Variants in NID1 observed in about 807,000 individuals in gnomAD.
NID1 encodes nidogen 1, also known as nidogen-1.
Under a neutral mutation model 130.6 loss-of-function variants are expected in NID1, and 76 were observed. The observed-to-expected ratio is 0.58, with a 90% CI of 0.48 to 0.70. The LOEUF is 0.70. NID1 is among the 30% of genes least tolerant of loss of function. The pLI, the probability that NID1 is intolerant of heterozygous loss-of-function variation, is 0.00. For synonymous variants in NID1, 665 were observed against 675.1 expected (o/e 0.98, Z 0.23); for missense variants, 1,517 against 1,664.8 (o/e 0.91, Z 1.54).
At chr1:236,007,362 C>T (rs918846235) in intron 12 of NID1, among the ~76,000 whole-genome samples, 2 of 152,190 alleles carry the variant, frequency 1.3e-5, no homozygotes, top group Non-Finnish European at 2.9e-5. Context: ...TACATTCCCT[C>T]AGATGTTGTC....
chr1:236,008,757 C>G (rs921558712), intron 12 of NID1, among the ~76,000 whole-genome samples: 3 of 152,122 alleles, frequency 2.0e-5, no homozygotes, highest in East Asian at 1.9e-4. Flanking sequence ...ACCTCTGCCC[C>G]CCAGGTTCAA....
intron 1 of NID1, among the ~76,000 whole-genome samples, chr1:236,060,098 C>CA (rs773686621): frequency 0.02 from 987 of 49,914 alleles, 14 homozygotes; most frequent in African/African-American, 0.036. Context: ...GACTCAGTCT[C>CA]AAAAAAAAAA....
Position 235,990,935 on chromosome 1 carries a change from T to A in NID1, c.2879A>T (p.Glu960Val). 6 of 1,614,100 alleles carry A rather than the reference T, an allele frequency of 3.7e-6. No individual in the cohort carries two copies. The highest frequency in any genetic ancestry group is 5.1e-6 in the Non-Finnish European group (6 of 1,180,014). ...TTCTGTCTTCCTCATGGTATTTCCC[T>A]CCAGGGGCAGGCGCTCAATCTTCCC... ...QTGKIERLPL[E>V]GNTMRKTEAK... is the part of the protein sequence containing the mutation. The change falls in exon 14 of 20, where the codon GAG becomes GTG. Residue 960 changes from glutamate (E) to valine (V), a missense_variant. Around this residue, in one of 3 missense-constraint regions of NID1, gnomAD observed 1,329 missense variants for 1,429.2 expected, o/e 0.93. Transcript: ENST00000264187.
intron 5 of NID1, among the ~76,000 whole-genome samples, chr1:236,036,608 T>C (rs1659270352): frequency 6.6e-6 from 1 of 152,254 alleles, no homozygotes; most frequent in Non-Finnish European, 1.5e-5. Context: ...TATTGAAACT[T>C]AATCCCCAAT....
intron 17 of NID1, 31 bp downstream of exon 17, chr1:235,980,465 C>T (rs1252569532): frequency 6.2e-7 from 1 of 1,605,126 alleles, no homozygotes; most frequent in Admixed American, 1.7e-5. Context: ...AGATTGAGAC[C>T]CGCCCTGGAC....
chr1:235,985,614 G>C (rs1452610226), intron 14 of NID1, 109 bp from the exon 15 acceptor site: 1 of 1,309,556 alleles, frequency 7.6e-7, no homozygotes, highest in African/African-American at 1.5e-5. Flanking sequence ...GAAGTGTCAA[G>C]TGTTTTGTTC....
intron 8 of NID1, among the ~76,000 whole-genome samples, chr1:236,025,672 CACTTT>C (rs1190181961): frequency 1.3e-5 from 2 of 152,200 alleles, no homozygotes; most frequent in African/African-American, 2.4e-5. Flanking sequence ...TAGCATTCTG[CACTTT>C]ACTTTAGATA....
intron 9 of NID1, among the ~76,000 whole-genome samples, chr1:236,022,744 A>T (rs537082363): frequency 7.9e-5 from 12 of 151,770 alleles, no homozygotes; most frequent in African/African-American, 2.4e-4. Flanking sequence ...CCTGTGGAAA[A>T]CATTGTGGTG....
chr1:236,021,254 CTT>C (rs1161158787), intron 9 of NID1, among the ~76,000 whole-genome samples: 2 of 152,204 alleles, frequency 1.3e-5, no homozygotes, highest in African/African-American at 4.8e-5. Context: ...CTGTCAGGCT[CTT>C]TGCAGGAAAT....
rs1342105661 is a variant in NID1, at chr1:236,042,258, A to T, written c.787T>A (p.Phe263Ile). The T allele has an allele frequency of 6.2e-7, 1 of 1,606,636 alleles. No homozygotes were observed. Among genetic ancestry groups the T allele is most frequent in the South Asian group, 1.1e-5 (1 of 91,054 alleles). Residue 263 changes from phenylalanine to isoleucine, a missense_variant, in exon 4 of 20, where the codon TTT becomes ATT. Physicochemically the swap from Phe to Ile is conservative, Grantham distance 21 (BLOSUM62 0). Transcript: ENST00000264187. ...GTGGTGGCTGGACTCCCAATCTCAA[A>T]CACCCAGACACCCTGCTGCCCAGAG... ...SNSGQQGVWV[F>I]EIGSPATTNG...
intron 12 of NID1, among the ~76,000 whole-genome samples, chr1:236,001,066 C>T (rs1001275058): frequency 6.6e-6 from 1 of 151,932 alleles, no homozygotes; most frequent in African/African-American, 2.4e-5. Flanking sequence ...CAAGGTCACT[C>T]AGGTGCAGTG....
intron 14 of NID1, among the ~76,000 whole-genome samples, chr1:235,988,919 A>C (rs1316551530): frequency 6.6e-6 from 1 of 152,146 alleles, no homozygotes; most frequent in African/African-American, 2.4e-5. Context: ...TGGGATGATG[A>C]AAAAGTTCTG....
rs1658437868 is a variant in NID1 at position 236,011,933 on chromosome 1, A to G, written c.2515T>C (p.Cys839Arg). The change falls in exon 12 of 20, where the codon TGC becomes CGC. Residue 839 changes from cysteine (C) to arginine (R), a missense_variant. Physicochemically the swap from Cys to Arg is radical, Grantham distance 180 (BLOSUM62 -3). Transcript: ENST00000264187. The stretch of plus-strand genomic sequence containing the variant: ...CCCACCACCTTACCTCCGGGCACGC[A>G]ACGGAAGCCGTCTCCCTGATAACCA... ...KPGYQGDGFR[C>R]VPGEVEKTRC... 1 of 1,613,892 alleles carries G rather than the reference A, an allele frequency of 6.2e-7. No individual in the cohort carries two copies. Among genetic ancestry groups the G allele is most frequent in the Non-Finnish European group, 8.5e-7 (1 of 1,180,018 alleles).
intron 14 of NID1, 112 bp downstream of exon 14, chr1:235,990,774 G>C (rs1272482907): frequency 8.8e-7 from 1 of 1,140,034 alleles, no homozygotes; most frequent in Admixed American, 1.9e-5. Context: ...CATGGAATGA[G>C]CACCCATGGT....
chr1:236,048,915 T>C lies in NID1; in HGVS notation c.300A>G (p.Thr100=), dbSNP rs564232682. 4.4e-4 allele frequency: 703 copies of C among 1,614,082 alleles called. 9 individuals are homozygous for C. In the South Asian group the frequency reaches 7.4e-3, roughly 17 times the overall value. The change falls in exon 2 of 20, where the codon ACA becomes ACG. Residue 100 remains threonine, a synonymous_variant. Transcript: ENST00000264187. The stretch of plus-strand genomic sequence containing the variant: ...CCAGGAAAGGGGCGACTGCACCGAA[T>C]GTTGGTGGGAAGAGCCCGGGATGGG... ...KESHPGLFPP[T]FGAVAPFLAD...
intron 7 of NID1, among the ~76,000 whole-genome samples, chr1:236,026,431 T>C (rs1002864064): frequency 4.2e-4 from 64 of 152,342 alleles, no homozygotes; most frequent in Non-Finnish European, 4.4e-4. Flanking sequence ...CGCCCAGAAC[T>C]AGAGATGAAG....
In NID1 at chr1:236,055,306, A is replaced by AAAT. The variant is rs573471764; in HGVS notation, c.226-6320_226-6318dup. On this transcript the variant is annotated intron_variant, in intron 1 of 19. Transcript: ENST00000264187. Reference sequence around the variant, plus strand: ...GCGACAGAGCAAGACTCCATCTCAAAAATAATAATAATAATAATAATAATT... The same window carrying AAAT: ...GCGACAGAGCAAGACTCCATCTCAAAAATAATAATAATAATAATAATAATAATT... 5.1e-3 allele frequency among the ~76,000 whole-genome samples: 773 copies of AAAT among 151,284 alleles called. 4 individuals carry two copies. The highest frequency in any genetic ancestry group is 0.015 in the East Asian group (75 of 5,122).
At chr1:236,064,414 CG>C in intron 1 of NID1, 1 of 197,078 alleles carries the variant, frequency 5.1e-6, no homozygotes, top group Non-Finnish European at 1.0e-5. Context: ...ACAAGAGTCC[CG>C]GGGCCCGCGC....
chr1:236,055,039 T>G (rs1224151329), intron 1 of NID1, among the ~76,000 whole-genome samples: 1 of 150,230 alleles, frequency 6.7e-6, no homozygotes, highest in African/African-American at 2.4e-5. Flanking sequence ...GTGCGGTGGC[T>G]CACGCCTGTA....
Sources: gnomAD v4.1 joint callset for allele counts (sites outside exome capture counted in the v4.1 genomes callset) on GRCh38, gnomAD v4.1.1 for gene constraint, gnomAD v4.1.1 regional missense constraint, MANE v1.5 for transcripts, NCBI Gene and HGNC (gene_info 2026-07-23, HGNC 2026-07-21) for gene names.